Variants in PTPRA observed in about 807,000 individuals in gnomAD.
PTPRA encodes the protein receptor-type tyrosine-protein phosphatase alpha.
In PTPRA, 25 loss-of-function variants were observed where a neutral mutation model predicts 104.8. That is an observed-to-expected ratio of 0.24 (90% CI 0.17 to 0.33). The LOEUF (loss-of-function observed/expected upper bound fraction) is 0.33. PTPRA is among the 10% of genes least tolerant of loss of function. PTPRA has a pLI of 1.00. For missense variants in PTPRA, 765 were observed against 1,015.3 expected (o/e 0.75, Z 3.35); for synonymous variants, 323 against 368.9 (o/e 0.88, Z 1.43).
intron 1 of PTPRA, among the ~76,000 whole-genome samples, chr20:2,909,777 GAT>G (rs1388879155): frequency 7.9e-6 from 1 of 126,926 alleles, no homozygotes. Flanking sequence ...TATATTATAA[GAT>G]AATATAATAT....
At chr20:2,970,022 AT>A (rs1568675374) in intron 5 of PTPRA, among the ~76,000 whole-genome samples, 1 of 151,520 alleles carries the variant, frequency 6.6e-6, no homozygotes, top group East Asian at 1.9e-4. Context: ...ATATATATTC[AT>A]TTTTTCCATT....
chr20:3,016,581 C>G (rs879792071), intron 12 of PTPRA, among the ~76,000 whole-genome samples: 1 of 152,166 alleles, frequency 6.6e-6, no homozygotes, highest in Non-Finnish European at 1.5e-5. Context: ...AACCCCGTCT[C>G]TACTAAAAAT....
intron 3 of PTPRA, among the ~76,000 whole-genome samples, chr20:2,963,202 T>G (rs1313990500): frequency 6.6e-6 from 1 of 152,222 alleles, no homozygotes; most frequent in Non-Finnish European, 1.5e-5. Flanking sequence ...CTTCTCACTC[T>G]GAAAACTGTA....
chr20:2,922,424 C>T (rs565661922), intron 1 of PTPRA, among the ~76,000 whole-genome samples: 1 of 152,310 alleles, frequency 6.6e-6, no homozygotes, highest in South Asian at 2.1e-4. Context: ...ACTGCAACCT[C>T]CCCCTCCTGG....
chr20:3,029,095 CTGA>C (rs1211992277), intron 20 of PTPRA, among the ~76,000 whole-genome samples: 1 of 150,052 alleles, frequency 6.7e-6, no homozygotes, highest in Admixed American at 6.6e-5. Context: ...TTTTCTCACC[CTGA>C]TGTTTCATTA....
chr20:2,940,923 C>A (rs1184453038), intron 2 of PTPRA, among the ~76,000 whole-genome samples: 1 of 152,102 alleles, frequency 6.6e-6, no homozygotes, highest in Non-Finnish European at 1.5e-5. Flanking sequence ...TTTCAAGATA[C>A]ATAATTTTCT....
At chr20:2,901,041 G>A (rs1042005998) in intron 1 of PTPRA, among the ~76,000 whole-genome samples, 3 of 151,628 alleles carry the variant, frequency 2.0e-5, no homozygotes, top group African/African-American at 7.3e-5. Flanking sequence ...GCGCGATCTC[G>A]GCTCACTGTG....
chr20:3,006,952 A>G (rs369523303), intron 10 of PTPRA, among the ~76,000 whole-genome samples: 1 of 152,014 alleles, frequency 6.6e-6, no homozygotes, highest in South Asian at 2.1e-4. Flanking sequence ...TTATGTGCAC[A>G]TGTTGGAGGA....
intron 20 of PTPRA, among the ~76,000 whole-genome samples, chr20:3,034,275 GAA>G (rs141188945): frequency 6.8e-6 from 1 of 147,656 alleles, no homozygotes; most frequent in African/African-American, 2.5e-5. Flanking sequence ...TCTCAAAAAA[GAA>G]AAAAAAAATG....
rs761288002 is a variant in PTPRA, at chr20:2,965,207, T to C, written c.415+5T>C. 12 of 1,589,672 alleles carry C rather than the reference T, an allele frequency of 7.5e-6. No homozygotes were observed. The highest frequency in any genetic ancestry group is 1.0e-5 in the Non-Finnish European group (12 of 1,161,316). Reference sequence around the variant, plus strand: ...CAGAAACTTTCCCTCCTTCAGGTACTAGAGATGATTCTGTTTGTTCTTTTG... The same window carrying C: ...CAGAAACTTTCCCTCCTTCAGGTACCAGAGATGATTCTGTTTGTTCTTTTG... On this transcript the variant is annotated splice_donor_5th_base_variant and intron_variant, in intron 5 of 23. Transcript: ENST00000399903.
chr20:2,901,191 G>A (rs1038738689), intron 1 of PTPRA, among the ~76,000 whole-genome samples: 12 of 152,122 alleles, frequency 7.9e-5, no homozygotes, highest in African/African-American at 2.6e-4. Flanking sequence ...GACTGGCCTC[G>A]AACTCCTGAC....
chr20:2,948,684 G>A (rs879485010), intron 3 of PTPRA, among the ~76,000 whole-genome samples: 3 of 152,138 alleles, frequency 2.0e-5, no homozygotes, highest in Admixed American at 1.3e-4. Flanking sequence ...AGGCACGGTG[G>A]CTCACGCCTG....
At chr20:2,911,372 A>C in intron 1 of PTPRA, among the ~76,000 whole-genome samples, 1 of 152,220 alleles carries the variant, frequency 6.6e-6, no homozygotes. Context: ...AAGCTGAATG[A>C]TAAGAGATGA....
rs2065905782 is a variant in PTPRA, at chr20:3,038,463, C to T, written c.*330C>T. On this transcript the variant is annotated 3_prime_UTR_variant, in exon 24 of 24. Transcript: ENST00000399903. ...AAAATCCATTCCAGGTAGCTCGGCA[C>T]CAACTAAGAAAAAAAGCACAAAGTT... The T allele has an allele frequency of 7.6e-6, 2 of 262,386 alleles. No homozygotes were observed. Among genetic ancestry groups the T allele is most frequent in the Non-Finnish European group, 7.4e-6 (1 of 135,412 alleles). 16.3% of individuals were successfully genotyped at this position (262,386 alleles called of 1,614,324 possible).
At chr20:2,992,201 A>G (rs1370076236) in intron 9 of PTPRA, among the ~76,000 whole-genome samples, 1 of 152,170 alleles carries the variant, frequency 6.6e-6, no homozygotes, top group Non-Finnish European at 1.5e-5. Context: ...GTCCAAATCT[A>G]TGGCTAATTG....
At chr20:2,868,846 A>G (rs2089394955), upstream of PTPRA, among the ~76,000 whole-genome samples, 1 of 152,056 alleles carries the variant, frequency 6.6e-6, no homozygotes, top group Admixed American at 6.5e-5. Context: ...AAAGTAACAT[A>G]CAGTATATTT....
intron 1 of PTPRA, among the ~76,000 whole-genome samples, chr20:2,896,067 A>C (rs927305827): frequency 1.1e-4 from 17 of 151,852 alleles, no homozygotes; most frequent in African/African-American, 3.9e-4. Flanking sequence ...TAGATTATAC[A>C]TTGTGGTTAA....
At chr20:2,985,690 G>A (rs1321515050) in intron 6 of PTPRA, among the ~76,000 whole-genome samples, 1 of 152,168 alleles carries the variant, frequency 6.6e-6, no homozygotes, top group Admixed American at 6.5e-5. Context: ...AGGTGACTAA[G>A]GGAGCAGGGT....
In PTPRA at chr20:2,873,521, G is replaced by C. The variant is rs1248213939; in HGVS notation, c.-368G>C. 6.6e-6 allele frequency: 1 copy of C among 151,904 alleles called. No homozygotes were observed. Among genetic ancestry groups the C allele is most frequent in the Admixed American group, 6.6e-5 (1 of 15,252 alleles). The allele number at this position is 151,904 out of a possible 1,614,324, so 9.4% of individuals were successfully genotyped here. ...CTGCGGCGAGTGCGGCGCTGACAGA[G>C]ACGCGCGCGCGCGCGATCGCGCTCG... On this transcript the variant is annotated 5_prime_UTR_variant, in exon 1 of 24. Coordinates refer to ENST00000399903, the MANE Select transcript of PTPRA (RefSeq NM_001385305.1). The surrounding 1 kb of genome is among the most constrained non-coding windows in gnomAD (Gnocchi z 4.4).
Sources: allele counts gnomAD v4.1 joint callset (sites outside exome capture counted in the v4.1 genomes callset), GRCh38; gene constraint gnomAD v4.1.1; non-coding constraint Gnocchi (gnomAD v3.1); transcripts MANE v1.5; gene names NCBI Gene and HGNC (gene_info 2026-07-23, HGNC 2026-07-21).